The following ENPP1 variants were observed in gnomAD, a reference collection of about 807,000 sequenced individuals.
The protein encoded by ENPP1 is ectonucleotide pyrophosphatase/phosphodiesterase family member 1.
In ENPP1, 73 loss-of-function variants were observed where a neutral mutation model predicts 122.8. That is an observed-to-expected ratio of 0.59 (90% CI 0.49 to 0.72). ENPP1 has a LOEUF of 0.72. Ranked by LOEUF, ENPP1 falls within the 30% of genes least tolerant of loss-of-function variation. The pLI, the probability that ENPP1 is intolerant of heterozygous loss-of-function variation, is 0.00. For missense variants in ENPP1, 978 were observed against 1,128.1 expected (o/e 0.87, Z 1.91); for synonymous variants, 367 against 391.6 (o/e 0.94, Z 0.74).
chr6:131,816,058 A>G (rs1279628372), intron 1 of ENPP1, among the ~76,000 whole-genome samples: 1 of 152,008 alleles, frequency 6.6e-6, no homozygotes, highest in Non-Finnish European at 1.5e-5. Flanking sequence ...GACTCTTTTT[A>G]TCTTAAGTAG....
intron 5 of ENPP1, among the ~76,000 whole-genome samples, chr6:131,853,289 C>A (rs6926728): frequency 6.6e-6 from 1 of 151,802 alleles, no homozygotes; most frequent in African/African-American, 2.4e-5. Flanking sequence ...TTTCATGTAC[C>A]CTAAACTGTC....
intron 1 of ENPP1, among the ~76,000 whole-genome samples, chr6:131,843,587 C>T (rs1045143109): frequency 1.3e-5 from 2 of 152,012 alleles, no homozygotes; most frequent in Non-Finnish European, 2.9e-5. Flanking sequence ...AGCCATTCCA[C>T]CCATGCCTTA....
At chr6:131,889,755 G>A (rs61347056) in intron 24 of ENPP1, among the ~76,000 whole-genome samples, 11,027 of 152,074 alleles carry the variant, frequency 0.073, 903 homozygotes, top group African/African-American at 0.21. Flanking sequence ...GAACATATGC[G>A]TGCGTGTATC....
chr6:131,868,181 C>T (rs1782114062), intron 12 of ENPP1, 55 bp downstream of exon 12: 1 of 1,342,866 alleles, frequency 7.4e-7, no homozygotes, highest in Non-Finnish European at 1.1e-6. Context: ...AGAAAGTTTA[C>T]TTGATGGTTT....
At chr6:131,878,494 TA>T in intron 18 of ENPP1, 47 bp from the exon 19 acceptor site, 1 of 1,210,164 alleles carries the variant, frequency 8.3e-7, no homozygotes, top group Non-Finnish European at 1.2e-6. Context: ...TTACAAAATT[TA>T]AAACATGTCT....
Position 131,861,786 on chromosome 6 carries a change from C to CTTTA in ENPP1, c.1025+83_1025+86dup. The CTTTA allele has an allele frequency of 3.6e-6, 3 of 825,550 alleles. No individual in the cohort carries two copies. The South Asian group carries it at 4.2e-5, about 12-fold the overall frequency. The allele number at this position is 825,550 out of a possible 1,614,324, so 51.1% of individuals were successfully genotyped here. Reference sequence around the variant, plus strand: ...AATCTCCTTTTTATTGAATCCTGAGCTTTAGCATTTGAGTGATATGTTGGC... The same window carrying CTTTA: ...AATCTCCTTTTTATTGAATCCTGAGCTTTATTTAGCATTTGAGTGATATGTTGGC... On this transcript the variant is annotated intron_variant, in intron 9 of 24. Transcript: ENST00000647893.
chr6:131,873,025 T>C lies in ENPP1; in HGVS notation c.1540T>C (p.Leu514=), dbSNP rs536023117. 73 of 1,613,818 alleles carry C rather than the reference T, an allele frequency of 4.5e-5. No individual in the cohort carries two copies. The East Asian group carries it at 1.5e-3, about 33-fold the overall frequency. The part of the protein sequence containing the change: ...SDRIEPLTFY[L]DPQWQLALNP... Reference sequence around the variant, plus strand: ...TAGAATTGAGCCCTTGACATTCTATTTGGACCCTCAGTGGCAACTTGCATT... The same window carrying C: ...TAGAATTGAGCCCTTGACATTCTATCTGGACCCTCAGTGGCAACTTGCATT... The change falls in exon 15 of 25, where the codon TTG becomes CTG. Residue 514 remains leucine (L), a synonymous_variant. Transcript: ENST00000647893.
intron 1 of ENPP1, among the ~76,000 whole-genome samples, chr6:131,815,064 C>T (rs1001527870): frequency 6.6e-6 from 1 of 152,098 alleles, no homozygotes; most frequent in Admixed American, 6.6e-5. Flanking sequence ...GGTATAAATT[C>T]AGGGGTAAGA....
intron 1 of ENPP1, chr6:131,826,412 G>C: frequency 1.3e-5 from 12 of 921,832 alleles, no homozygotes; most frequent in Non-Finnish European, 1.9e-5. Flanking sequence ...CCCCAAAAGA[G>C]CTGCTCTAGG....
chr6:131,835,572 CT>C (rs1324682940), intron 1 of ENPP1, among the ~76,000 whole-genome samples: 1 of 151,846 alleles, frequency 6.6e-6, no homozygotes. Context: ...TTTTCTTCAA[CT>C]TCTATTTTAA....
rs1296953021 is a variant in ENPP1 at position 131,890,515 on chromosome 6, G to A, written c.*4G>A. ...AACCTTTAGCCAAGAAGACTGATAT[G>A]TTTTTTATCCCCAAACACCATGAAT... is the stretch of plus-strand genomic sequence containing the variant. On this transcript the variant is annotated 3_prime_UTR_variant, in exon 25 of 25. Transcript: ENST00000647893. The A allele has an allele frequency of 6.2e-7, 1 of 1,610,870 alleles. No homozygotes were observed. Among genetic ancestry groups the A allele is most frequent in the East Asian group, 2.2e-5 (1 of 44,826 alleles).
chr6:131,815,968 G>A (rs142596430), intron 1 of ENPP1, among the ~76,000 whole-genome samples: 1,845 of 148,604 alleles, frequency 0.012, 52 homozygotes, highest in African/African-American at 0.043. Flanking sequence ...TGATCTGCCC[G>A]CCTCGGCCTC....
intron 23 of ENPP1, among the ~76,000 whole-genome samples, chr6:131,885,742 A>G (rs1477453454): frequency 1.3e-5 from 2 of 152,212 alleles, no homozygotes; most frequent in Non-Finnish European, 2.9e-5. Context: ...TGACTTAGAT[A>G]TATGTGACTT....
At position 131,829,785 on chromosome 6, in the gene ENPP1, G is replaced by A. The variant is rs557891389; in HGVS notation, c.241-17991G>A. On this transcript the variant is annotated intron_variant, in intron 1 of 24. Transcript: ENST00000647893. ...AAAAGGTGATGAAACCAGAGCTTGG[G>A]AGCTAGGGCTTCGCTGTAGCAGCTG... is the stretch of plus-strand genomic sequence containing the variant. Among the ~76,000 whole-genome samples, 5 of 152,304 alleles carry A rather than the reference G, an allele frequency of 3.3e-5. No homozygotes were observed. In the East Asian group the frequency reaches 9.7e-4, roughly 29 times the overall value.
intron 14 of ENPP1, 152 bp from the exon 15 acceptor site, chr6:131,872,771 T>C (rs1782178340): frequency 2.6e-6 from 2 of 757,476 alleles, no homozygotes; most frequent in Non-Finnish European, 4.2e-6. Context: ...AAAAATTTCA[T>C]ATGAAGTTAG....
chr6:131,866,532 C>T (rs1782094324), intron 11 of ENPP1, among the ~76,000 whole-genome samples: 2 of 152,148 alleles, frequency 1.3e-5, no homozygotes, highest in African/African-American at 2.4e-5. Context: ...CCTGGGTCTG[C>T]GCTAGATTTG....
At chr6:131,862,126 G>A (rs147933445) in intron 9 of ENPP1, among the ~76,000 whole-genome samples, 7 of 152,072 alleles carry the variant, frequency 4.6e-5, no homozygotes, top group East Asian at 1.9e-4. Context: ...CCGAGATCAC[G>A]TCATTGCACT....
rs67550562 is a variant in ENPP1, at chr6:131,837,172, T to TTGTGTGTGTGTGTG, written c.241-10576_241-10563dup. On this transcript the variant is annotated intron_variant, in intron 1 of 24. Transcript: ENST00000647893. ...AGCTTATTTGGGGTTCCTGTTGTCA[T>TTGTGTGTGTGTGTG]TGTGTGTGTGTGTGTGTGTGTGTGT... Among the ~76,000 whole-genome samples, 479 of 136,042 alleles carry TTGTGTGTGTGTGTG rather than the reference T, an allele frequency of 3.5e-3. 2 individuals carry two copies. The highest frequency in any genetic ancestry group is 7.8e-3 in the Middle Eastern group (2 of 258). 89.2% of individuals were successfully genotyped at this position (136,042 alleles called of 152,430 possible).
At chr6:131,875,637 A>G (rs1455508795) in intron 16 of ENPP1, 139 bp from the exon 17 acceptor site, 17 of 704,426 alleles carry the variant, frequency 2.4e-5, no homozygotes, top group Non-Finnish European at 7.8e-6. Flanking sequence ...TATTTCCCAC[A>G]AAGTCCACTG....
Sources: gnomAD v4.1 joint callset for allele counts (sites outside exome capture counted in the v4.1 genomes callset) on GRCh38, gnomAD v4.1.1 for gene constraint, MANE v1.5 for transcripts, NCBI Gene and HGNC (gene_info 2026-07-23, HGNC 2026-07-21) for gene names.